The following NELL1 variants were observed in gnomAD, a reference collection of about 807,000 sequenced individuals.
NELL1 encodes neural EGFL like 1.
A neutral mutation model predicts 107.4 loss-of-function variants in NELL1; 76 were observed. That is an observed-to-expected ratio of 0.71 (90% CI 0.59 to 0.86). NELL1 has a LOEUF of 0.86. Ranked by LOEUF, NELL1 falls within the 40% of genes least tolerant of loss-of-function variation. NELL1 has a pLI of 0.00. For missense variants in NELL1, 1,024 were observed against 1,005.5 expected, an observed-to-expected ratio of 1.02 and a Z score of -0.25; for synonymous variants, 353 against 341.2, an observed-to-expected ratio of 1.03 and a Z score of -0.38.
chr11:20,721,445 G>A (rs1379100593), intron 2 of NELL1, among the ~76,000 whole-genome samples: 1 of 151,894 alleles, frequency 6.6e-6, no homozygotes, highest in Non-Finnish European at 1.5e-5. Context: ...TCACCCCCTG[G>A]GATTCATGCA....
At chr11:21,413,001 C>T (rs763346253) in intron 15 of NELL1, among the ~76,000 whole-genome samples, 26 of 152,062 alleles carry the variant, frequency 1.7e-4, no homozygotes, top group East Asian at 1.9e-4. Flanking sequence ...CTAGTCTCAA[C>T]GACATGTATG....
intron 14 of NELL1, among the ~76,000 whole-genome samples, chr11:21,273,821 G>C (rs897130584): frequency 1.2e-4 from 18 of 152,256 alleles, no homozygotes; most frequent in African/African-American, 4.1e-4. Flanking sequence ...AAGTGAAGGA[G>C]AAATAAAATC....
intron 2 of NELL1, among the ~76,000 whole-genome samples, chr11:20,777,375 AG>A (rs1482891614): frequency 6.6e-6 from 1 of 152,240 alleles, no homozygotes; most frequent in Non-Finnish European, 1.5e-5. Flanking sequence ...GAACAAATGG[AG>A]GTTTAATGGA....
At chr11:21,397,227 A>G (rs1167927794) in intron 15 of NELL1, among the ~76,000 whole-genome samples, 2 of 151,672 alleles carry the variant, frequency 1.3e-5, no homozygotes, top group East Asian at 3.9e-4. Context: ...AAGTACATCA[A>G]TGATTTATTG....
In NELL1 at chr11:20,866,187, G is replaced by A. The variant is rs78493509; in HGVS notation, c.506+18434G>A. On this transcript the variant is annotated intron_variant, in intron 4 of 19. Coordinates refer to ENST00000357134, the MANE Select transcript of NELL1 (RefSeq NM_006157.5). The stretch of plus-strand genomic sequence containing the variant: ...GAAGTGGGAATTGGGGAAAGCAGAA[G>A]GCTTTGAGGCTAGAGCATTCAGGTC... Among the ~76,000 whole-genome samples the A allele has an allele frequency of 7.3e-3, 1,117 of 152,336 alleles. 8 individuals carry two copies. Among genetic ancestry groups the A allele is most frequent in the Non-Finnish European group, 0.012 (842 of 68,042 alleles).
chr11:21,568,323 C>T (rs540764892), intron 17 of NELL1, among the ~76,000 whole-genome samples: 18 of 151,824 alleles, frequency 1.2e-4, no homozygotes, highest in African/African-American at 3.4e-4. Context: ...ATGGAGCTTA[C>T]GGGACTAGCA....
At chr11:20,742,752 A>C (rs1278652401) in intron 2 of NELL1, among the ~76,000 whole-genome samples, 1 of 152,122 alleles carries the variant, frequency 6.6e-6, no homozygotes, top group East Asian at 1.9e-4. Flanking sequence ...CTCCCATGAC[A>C]TGTGGGAATT....
intron 16 of NELL1, among the ~76,000 whole-genome samples, chr11:21,537,961 A>G (rs1208847012): frequency 6.6e-6 from 1 of 152,166 alleles, no homozygotes; most frequent in Non-Finnish European, 1.5e-5. Context: ...ACAAGTTAAG[A>G]TGTCAGTTCT....
chr11:21,569,406 G>C (rs1185287353), intron 17 of NELL1, among the ~76,000 whole-genome samples: 1 of 151,864 alleles, frequency 6.6e-6, no homozygotes, highest in Non-Finnish European at 1.5e-5. Context: ...GCATGTAAAT[G>C]CCTCTGCACA....
chr11:20,762,596 T>C (rs1488479261), intron 2 of NELL1, among the ~76,000 whole-genome samples: 2 of 152,210 alleles, frequency 1.3e-5, no homozygotes, highest in Admixed American at 1.3e-4. Context: ...GTATTTATGC[T>C]GGTTGGAGTC....
intron 12 of NELL1, among the ~76,000 whole-genome samples, chr11:21,094,368 G>A (rs1231216777): frequency 1.3e-5 from 2 of 152,224 alleles, no homozygotes; most frequent in African/African-American, 4.8e-5. Context: ...TTGAGTGTCT[G>A]CATCTTTTCC....
chr11:21,278,030 C>G (rs772635187), intron 14 of NELL1, among the ~76,000 whole-genome samples: 7 of 136,726 alleles, frequency 5.1e-5, no homozygotes, highest in Non-Finnish European at 7.9e-5. Flanking sequence ...CACATGTACC[C>G]TAAAACTTGA....
chr11:21,501,447 T>A (rs1855139319), intron 15 of NELL1, among the ~76,000 whole-genome samples: 1 of 152,162 alleles, frequency 6.6e-6, no homozygotes, highest in South Asian at 2.1e-4. Context: ...AGCATGTTTT[T>A]TCTTGGTATT....
intron 12 of NELL1, among the ~76,000 whole-genome samples, chr11:21,041,072 A>G (rs1853217089): frequency 6.6e-6 from 1 of 152,196 alleles, no homozygotes; most frequent in Admixed American, 6.5e-5. Context: ...TAAGCAAGCT[A>G]CAATATACGA....
intron 14 of NELL1, among the ~76,000 whole-genome samples, chr11:21,328,938 T>C (rs1352805799): frequency 6.6e-6 from 1 of 152,198 alleles, no homozygotes; most frequent in Non-Finnish European, 1.5e-5. Flanking sequence ...GTAACTATCT[T>C]ACTTTTGATT....
At chr11:21,045,126 T>C (rs928901842) in intron 12 of NELL1, among the ~76,000 whole-genome samples, 4 of 152,082 alleles carry the variant, frequency 2.6e-5, no homozygotes, top group African/African-American at 9.7e-5. Flanking sequence ...TGATGAATAG[T>C]GAGAAAGTAA....
chr11:21,554,058 T>C (rs934037856), intron 16 of NELL1, among the ~76,000 whole-genome samples: 3 of 151,840 alleles, frequency 2.0e-5, no homozygotes, highest in African/African-American at 7.2e-5. Flanking sequence ...GTAGCCTCTG[T>C]GCAGTAAAAC....
chr11:21,142,519 G>A (rs538023815), intron 13 of NELL1, among the ~76,000 whole-genome samples: 50 of 152,328 alleles, frequency 3.3e-4, no homozygotes, highest in African/African-American at 1.2e-3. Context: ...TTTCCATTTT[G>A]CGGGCTTAAA....
intron 15 of NELL1, among the ~76,000 whole-genome samples, 195 bp downstream of exon 15, chr11:21,371,143 G>A (rs994175011): frequency 6.6e-6 from 1 of 152,024 alleles, no homozygotes; most frequent in Non-Finnish European, 1.5e-5. Context: ...AGCTTCATTC[G>A]CCTTCCCTCC....
Sources: gnomAD v4.1 joint callset for allele counts (sites outside exome capture counted in the v4.1 genomes callset) on GRCh38, gnomAD v4.1.1 for gene constraint, MANE v1.5 for transcripts, NCBI Gene and HGNC (gene_info 2026-07-23, HGNC 2026-07-21) for gene names.